DCAF1: variants seen among roughly 807,000 people sequenced by gnomAD.
DCAF1 encodes DDB1 and CUL4 associated factor 1, also known as DDB1- and CUL4-associated factor 1.
Under a neutral mutation model 128.0 loss-of-function variants are expected in DCAF1, and 15 were observed. That is an observed-to-expected ratio of 0.12 (90% confidence interval 0.08 to 0.18). DCAF1 has a LOEUF of 0.18. Ranked by LOEUF, DCAF1 falls within the 10% of genes least tolerant of loss-of-function variation. The pLI is 1.00. For missense variants in DCAF1, 988 were observed against 1,649.5 expected, an observed-to-expected ratio of 0.60 and a Z score of 6.95; for synonymous variants, 610 against 603.0, an observed-to-expected ratio of 1.01 and a Z score of -0.17.
At chr3:51,464,735 A>T (rs952154420) in intron 5 of DCAF1, among the ~76,000 whole-genome samples, 15 of 152,114 alleles carry the variant, frequency 9.9e-5, no homozygotes, top group African/African-American at 3.6e-4. Context: ...AAAACAAGTA[A>T]TACCATGAGT....
intron 6 of DCAF1, among the ~76,000 whole-genome samples, chr3:51,459,346 G>C (rs1379050110): frequency 1.3e-5 from 2 of 152,106 alleles, no homozygotes; most frequent in Non-Finnish European, 2.9e-5. Context: ...ATCCTCCCAA[G>C]ACTAAACCAG....
chr3:51,407,053 G>A (rs1301136878), intron 23 of DCAF1, among the ~76,000 whole-genome samples: 1 of 151,676 alleles, frequency 6.6e-6, no homozygotes, highest in East Asian at 1.9e-4. Context: ...TTAGTCGGGT[G>A]TGGTGGCACA....
chr3:51,441,376 T>C lies in DCAF1; in HGVS notation c.1026+9A>G. On this transcript the variant is annotated intron_variant, in intron 8 of 24. Coordinates refer to ENST00000684031, the MANE Select transcript of DCAF1 (RefSeq NM_001387579.1). ...TATGTGTGAACAGTACTCTTCCCAA[T>C]AAGCTTACCTCCTGATATTCTCCTA... is the stretch of plus-strand genomic sequence containing the variant. The C allele has an allele frequency of 6.2e-7, 1 of 1,608,968 alleles. No individual in the cohort carries two copies. The highest frequency in any genetic ancestry group is 1.1e-5 in the South Asian group (1 of 90,382).
intron 6 of DCAF1, among the ~76,000 whole-genome samples, chr3:51,453,980 A>C (rs1308016028): frequency 6.6e-6 from 1 of 151,664 alleles, no homozygotes; most frequent in African/African-American, 2.4e-5. Flanking sequence ...AAGCTATGGG[A>C]CATACGCAAT....
Position 51,398,690 on chromosome 3 carries a change from AAG to A in DCAF1, c.*77_*78del. 1.3e-6 allele frequency: 2 copies of A among 1,526,826 alleles called. No homozygotes were observed. The highest frequency in any genetic ancestry group is 1.2e-5 in the South Asian group (1 of 83,512). The allele number at this position is 1,526,826 out of a possible 1,614,324, so 94.6% of individuals were successfully genotyped here. On this transcript the variant is annotated 3_prime_UTR_variant, in exon 25 of 25. Transcript: ENST00000684031. ...TTAAAAGACAGACAGCCCTGGGAGA[AAG>A]AGAAGGGAATATGTTCTGAATTCAT...
At position 51,445,454 on chromosome 3, in the gene DCAF1, T is replaced by A. The variant is rs553076145; in HGVS notation, c.376-1551A>T. ...AATATTAATTTATCTCATCCTCATA[T>A]CAAGCCTGTGTGATTGGGCAGGTAC... On this transcript the variant is annotated intron_variant, in intron 6 of 24. Coordinates refer to ENST00000684031, the MANE Select transcript of DCAF1 (RefSeq NM_001387579.1). Among the ~76,000 whole-genome samples the A allele has an allele frequency of 5.3e-5, 8 of 152,262 alleles. No individual in the cohort carries two copies. The East Asian group carries it at 1.5e-3, about 29-fold the overall frequency.
chr3:51,432,055 A>G (rs1336471295), intron 10 of DCAF1, among the ~76,000 whole-genome samples: 1 of 151,416 alleles, frequency 6.6e-6, no homozygotes, highest in Non-Finnish European at 1.5e-5. Flanking sequence ...CGGGAATCAC[A>G]AAGTCAGGAG....
intron 6 of DCAF1, among the ~76,000 whole-genome samples, chr3:51,456,988 C>T (rs782145894): frequency 3.3e-4 from 51 of 152,248 alleles, no homozygotes; most frequent in Middle Eastern, 6.8e-3. Context: ...AAACTGGAAA[C>T]TCTAAAAATC....
chr3:51,437,772 G>A (rs1553637330), intron 9 of DCAF1, among the ~76,000 whole-genome samples: 5 of 151,458 alleles, frequency 3.3e-5, no homozygotes, highest in South Asian at 2.1e-4. Flanking sequence ...CCAAGATCAC[G>A]CCACTGCACT....
chr3:51,421,031 T>C, intron 14 of DCAF1, 34 bp from the exon 15 acceptor site: 1 of 1,566,994 alleles, frequency 6.4e-7, no homozygotes, highest in African/African-American at 1.4e-5. Flanking sequence ...TTATTCACCA[T>C]AAAACTAATG....
intron 10 of DCAF1, among the ~76,000 whole-genome samples, chr3:51,430,894 T>C (rs143492362): frequency 2.6e-5 from 4 of 152,126 alleles, no homozygotes; most frequent in Admixed American, 1.3e-4. Flanking sequence ...AATAAGAATA[T>C]TAGAAAAATG....
the DCAF1 span, among the ~76,000 whole-genome samples, chr3:51,505,379 C>T: frequency 6.6e-6 from 1 of 152,026 alleles, no homozygotes. Context: ...AGAGACCCAC[C>T]ACACCAACCG....
rs782694322 is a variant in DCAF1, at chr3:51,420,117, G to T, written c.2853C>A (p.Ser951=). ...TAAAACTGATTCTACCAATCAAAGG[G>T]GAGTTGCCTGCATAAGATGGGCCGG... ...ALPGPSYAGN[S]PLIGRISFIR... Residue 951 remains serine (S), a synonymous_variant, in exon 15 of 25, where the codon TCC becomes TCA. Coordinates refer to ENST00000684031, the MANE Select transcript of DCAF1 (RefSeq NM_001387579.1). This position sits in a 1 kb window ranked among gnomAD's most constrained non-coding sequence, Gnocchi z 6.5. 5.0e-6 allele frequency: 8 copies of T among 1,614,052 alleles called. No homozygotes were observed. The South Asian group carries it at 8.8e-5, about 18-fold the overall frequency.
chr3:51,417,051 A>C (rs1416965917), intron 17 of DCAF1, among the ~76,000 whole-genome samples, 180 bp from the exon 18 acceptor site: 1 of 152,148 alleles, frequency 6.6e-6, no homozygotes, highest in Non-Finnish European at 1.5e-5. Context: ...TATCACCTTA[A>C]CCAAGCAGAT....
At chr3:51,452,220 T>C (rs1702429511) in intron 6 of DCAF1, among the ~76,000 whole-genome samples, 1 of 152,000 alleles carries the variant, frequency 6.6e-6, no homozygotes, top group Non-Finnish European at 1.5e-5. Context: ...ACAAAGAGAC[T>C]CCATCTCTTT....
intron 9 of DCAF1, among the ~76,000 whole-genome samples, chr3:51,437,162 C>T (rs1484247546): frequency 6.6e-6 from 1 of 150,544 alleles, no homozygotes; most frequent in Non-Finnish European, 1.5e-5. Context: ...ACTTGGGAGC[C>T]TGAGACAGGA....
intron 7 of DCAF1, among the ~76,000 whole-genome samples, chr3:51,442,298 T>C (rs1166166576): frequency 6.6e-6 from 1 of 152,224 alleles, no homozygotes; most frequent in African/African-American, 2.4e-5. Flanking sequence ...TTCCATTAGA[T>C]ATTGCCATGT....
upstream of DCAF1, among the ~76,000 whole-genome samples, chr3:51,501,014 A>G (rs536224056): frequency 1.3e-5 from 2 of 152,126 alleles, no homozygotes; most frequent in South Asian, 4.1e-4. Context: ...ACGAAGTCCC[A>G]CTGTGTTGTC....
intron 3 of DCAF1, among the ~76,000 whole-genome samples, chr3:51,472,368 A>T (rs1704854609): frequency 2.0e-5 from 3 of 151,914 alleles, no homozygotes; most frequent in Non-Finnish European, 4.4e-5. Context: ...GTTCTGCCTG[A>T]TCCAGAATTT....
Sources: allele counts gnomAD v4.1 joint callset (sites outside exome capture counted in the v4.1 genomes callset), GRCh38; gene constraint gnomAD v4.1.1; non-coding constraint Gnocchi (gnomAD v3.1); transcripts MANE v1.5; gene names NCBI Gene and HGNC (gene_info 2026-07-23, HGNC 2026-07-21).